RNPC3: variants seen among roughly 807,000 people sequenced by gnomAD.
RNPC3 encodes the protein RNA binding region (RNP1, RRM) containing 3.
A neutral mutation model predicts 67.5 loss-of-function variants in RNPC3; 48 were observed. The ratio of observed to expected loss-of-function variants is 0.71; its 90% confidence interval spans 0.56 to 0.90. The LOEUF (loss-of-function observed/expected upper bound fraction) is 0.90. Among genes scored for constraint, RNPC3 ranks in the 40% least tolerant of loss-of-function variants. The pLI, the probability that RNPC3 is intolerant of heterozygous loss-of-function variation, is 0.00. For synonymous variants in RNPC3, 239 were observed against 210.3 expected (o/e 1.14, Z -1.18); for missense variants, 637 against 626.1 (o/e 1.02, Z -0.19).
chr1:103,543,501 T>C, intron 9 of RNPC3, 54 bp downstream of exon 9: 1 of 1,236,986 alleles, frequency 8.1e-7, no homozygotes, highest in Non-Finnish European at 1.1e-6. Context: ...GTGTTAGAAT[T>C]AAGTTTTACA....
intron 8 of RNPC3, among the ~76,000 whole-genome samples, chr1:103,542,915 A>C (rs1254816121): frequency 6.6e-6 from 1 of 151,766 alleles, no homozygotes; most frequent in African/African-American, 2.4e-5. Context: ...ATTTTAAGTC[A>C]TCAAAGTCTA....
chr1:103,543,487 T>G (rs1482216431), intron 9 of RNPC3, 40 bp downstream of exon 9: 2 of 1,326,538 alleles, frequency 1.5e-6, no homozygotes, highest in Non-Finnish European at 2.0e-6. Context: ...GAAATCAACT[T>G]ATTGTGTTAG....
At chr1:103,553,653 A>T (rs1651453898) in intron 14 of RNPC3, 1 of 152,218 alleles carries the variant, frequency 6.6e-6, no homozygotes, top group Non-Finnish European at 1.5e-5. Flanking sequence ...TCAATAACAT[A>T]TGCTTTCTGT....
chr1:103,538,721 C>T (rs185939099), intron 7 of RNPC3, among the ~76,000 whole-genome samples: 1 of 152,276 alleles, frequency 6.6e-6, no homozygotes, highest in Admixed American at 6.5e-5. Context: ...GATGCTTATT[C>T]TTCTGGACTC....
At position 103,552,243 on chromosome 1, in the gene RNPC3, G is replaced by T. The variant is rs144439082; in HGVS notation, c.*12+451G>T. 27 of 152,372 alleles carry T rather than the reference G, an allele frequency of 1.8e-4. No homozygotes were observed. In the East Asian group the frequency reaches 5.2e-3, roughly 29 times the overall value. The allele number at this position is 152,372 out of a possible 1,614,324, so 9.4% of individuals were successfully genotyped here. ...TCCAGGATGCTGGACATTTAGTGCT[G>T]AAATGGGGAATGTGTCTGGTAAGCC... On this transcript the variant is annotated intron_variant, in intron 14 of 14. Transcript: ENST00000423855.
intron 3 of RNPC3, 151 bp from the exon 4 acceptor site, chr1:103,534,623 G>A: frequency 3.4e-6 from 2 of 580,148 alleles, no homozygotes; most frequent in South Asian, 4.3e-5. Context: ...CCCATTTATT[G>A]GTGTTTGCTT....
intron 14 of RNPC3, chr1:103,552,630 C>T (rs547466195): frequency 3.8e-4 from 58 of 152,132 alleles, no homozygotes; most frequent in African/African-American, 1.4e-3. Flanking sequence ...TGTGGTGGCG[C>T]CTACCTGTAG....
At chr1:103,533,663 AAG>A in intron 2 of RNPC3, 74 bp from the exon 3 acceptor site, 2 of 766,402 alleles carry the variant, frequency 2.6e-6, no homozygotes, top group Admixed American at 2.7e-5. Flanking sequence ...AAAAAAAAAA[AAG>A]TATAAAAATT....
chr1:103,531,206 T>A (rs1440722618), intron 2 of RNPC3, among the ~76,000 whole-genome samples: 1 of 152,196 alleles, frequency 6.6e-6, no homozygotes, highest in Non-Finnish European at 1.5e-5. Context: ...TAGTATTCCA[T>A]GTTATATATA....
At chr1:103,530,833 C>T (rs559315688) in intron 2 of RNPC3, among the ~76,000 whole-genome samples, 4 of 152,152 alleles carry the variant, frequency 2.6e-5, no homozygotes, top group African/African-American at 7.2e-5. Flanking sequence ...AAGGTAGAAG[C>T]AAGGATTTCT....
intron 2 of RNPC3, among the ~76,000 whole-genome samples, chr1:103,528,549 T>C (rs1247701761): frequency 3.3e-5 from 5 of 152,158 alleles, no homozygotes; most frequent in African/African-American, 1.2e-4. Flanking sequence ...GATATTTAGA[T>C]TGAGGATTGA....
chr1:103,543,245 T>C, intron 8 of RNPC3, 51 bp from the exon 9 acceptor site: 2 of 1,251,834 alleles, frequency 1.6e-6, no homozygotes, highest in Non-Finnish European at 2.1e-6. Context: ...AATATTTTAC[T>C]CAGGATTTTA....
At chr1:103,531,740 T>G (rs1329122862) in intron 2 of RNPC3, among the ~76,000 whole-genome samples, 1 of 152,200 alleles carries the variant, frequency 6.6e-6, no homozygotes, top group Non-Finnish European at 1.5e-5. Context: ...ATTAGTGGTT[T>G]TTTTGGATGT....
chr1:103,532,802 A>G (rs1276090364), intron 2 of RNPC3, among the ~76,000 whole-genome samples: 1 of 152,086 alleles, frequency 6.6e-6, no homozygotes, highest in Non-Finnish European at 1.5e-5. Context: ...CATTAGCCCA[A>G]CAATGCAAAA....
chr1:103,526,759 G>A (rs1473364875), intron 1 of RNPC3, among the ~76,000 whole-genome samples: 1 of 152,120 alleles, frequency 6.6e-6, no homozygotes, highest in African/African-American at 2.4e-5. Flanking sequence ...AAAATTTCCC[G>A]ATGACATCTT....
At chr1:103,541,288 A>G in intron 7 of RNPC3, 62 bp from the exon 8 acceptor site, 1 of 1,223,242 alleles carries the variant, frequency 8.2e-7, no homozygotes, top group South Asian at 1.6e-5. Context: ...TAATAGAAAC[A>G]GTGGTAAATA....
In RNPC3 at chr1:103,536,180, G is replaced by T; in HGVS notation, c.610G>T (p.Ala204Ser). The change falls in exon 6 of 15, where the codon GCG becomes TCG. Residue 204 changes from alanine to serine, a missense_variant. Physicochemically the swap from Ala to Ser is moderately conservative, Grantham distance 99 (BLOSUM62 1). Coordinates refer to ENST00000423855, the MANE Select transcript of RNPC3 (RefSeq NM_017619.4). ...NLPTPFGPIT[A>S]RPPMYEDYMP... is the part of the protein sequence containing the mutation. The stretch of plus-strand genomic sequence containing the variant: ...GCCCACACCTTTTGGACCAATTACT[G>T]CGCGACCTCCCATGGTAAGAAAACT... 1 of 1,535,646 alleles carries T rather than the reference G, an allele frequency of 6.5e-7. No homozygotes were observed. The highest frequency in any genetic ancestry group is 8.7e-7 in the Non-Finnish European group (1 of 1,145,714).
chr1:103,543,529 T>A (rs938788232), intron 9 of RNPC3, 82 bp downstream of exon 9: 2 of 1,014,340 alleles, frequency 2.0e-6, no homozygotes, highest in Non-Finnish European at 2.7e-6. Flanking sequence ...TTTCATATTT[T>A]AGTATTTGTC....
At chr1:103,532,669 C>G (rs1032897642) in intron 2 of RNPC3, among the ~76,000 whole-genome samples, 1 of 151,960 alleles carries the variant, frequency 6.6e-6, no homozygotes, top group Non-Finnish European at 1.5e-5. Context: ...TGGAGGAGTA[C>G]AAACCAGCGA....
Sources: allele counts gnomAD v4.1 joint callset (sites outside exome capture counted in the v4.1 genomes callset), GRCh38; gene constraint gnomAD v4.1.1; transcripts MANE v1.5; gene names NCBI Gene and HGNC (gene_info 2026-07-23, HGNC 2026-07-21).